Variants in BEND3 observed in about 807,000 individuals in gnomAD.
BEND3 encodes BEN domain containing 3, also known as BEN domain-containing protein 3.
BEND3 carries 13 observed loss-of-function variants against 60.1 expected under a neutral mutation model. That is an observed-to-expected ratio of 0.22 (90% CI 0.14 to 0.34). The LOEUF (loss-of-function observed/expected upper bound fraction) is 0.34. BEND3 is among the 10% of genes least tolerant of loss of function. The pLI, the probability that BEND3 is intolerant of heterozygous loss-of-function variation, is 1.00. For synonymous variants in BEND3, 497 were observed against 491.5 expected (o/e 1.01, Z -0.15); for missense variants, 896 against 1,138.1 (o/e 0.79, Z 3.06).
chr6:107,085,855 C>T (rs1179013928), intron 3 of BEND3, among the ~76,000 whole-genome samples: 3 of 149,996 alleles, frequency 2.0e-5, no homozygotes, highest in Non-Finnish European at 4.4e-5. Flanking sequence ...GGCCCGATCT[C>T]GGCTCACCGC....
intron 1 of BEND3, among the ~76,000 whole-genome samples, chr6:107,108,576 G>A (rs782148785): frequency 2.0e-5 from 3 of 152,104 alleles, no homozygotes; most frequent in Non-Finnish European, 4.4e-5. Flanking sequence ...GTTCGGGGCA[G>A]TTGGGTGTAT....
chr6:107,098,452 T>C, intron 3 of BEND3, 99 bp downstream of exon 3: 1 of 1,264,672 alleles, frequency 7.9e-7, no homozygotes, highest in Non-Finnish European at 1.1e-6. Flanking sequence ...TGCCCAAGGG[T>C]TCAGCAGTTG....
At chr6:107,095,994 T>C (rs545368971) in intron 3 of BEND3, among the ~76,000 whole-genome samples, 1 of 152,324 alleles carries the variant, frequency 6.6e-6, no homozygotes, top group East Asian at 1.9e-4. Context: ...CCACAGACTA[T>C]ACAATAGCAA....
At chr6:107,083,722 G>A (rs13215617) in intron 3 of BEND3, among the ~76,000 whole-genome samples, 6,127 of 151,906 alleles carry the variant, frequency 0.04, 190 homozygotes, top group South Asian at 0.13. Flanking sequence ...ATAATGTCTC[G>A]TTCAAGTATG....
At chr6:107,088,098 A>G (rs782744366) in intron 3 of BEND3, among the ~76,000 whole-genome samples, 2 of 151,314 alleles carry the variant, frequency 1.3e-5, no homozygotes, top group Non-Finnish European at 2.9e-5. Context: ...GCAGCCTCAA[A>G]CTACTGGCCT....
Position 107,069,471 on chromosome 6 carries a change from C to A in BEND3, c.1720G>T (p.Ala574Ser), listed in dbSNP as rs782053443. ...YESSLSIGNF[A>S]SRLLVHLFPE... ...AACAGGTGCACCAGCAGGCGCGAGG[C>A]GAAGTTGCCGATGGACAGGCTGCTC... The change falls in exon 4 of 4, where the codon GCC (alanine) becomes TCC (serine). Residue 574 changes from alanine to serine, a missense_variant. Transcript: ENST00000369042. 1.4e-5 allele frequency: 23 copies of A among 1,612,642 alleles called. No individual in the cohort carries two copies. The highest frequency in any genetic ancestry group is 1.9e-5 in the Non-Finnish European group (23 of 1,180,030).
At chr6:107,099,756 C>T (rs1554236540) in intron 1 of BEND3, among the ~76,000 whole-genome samples, 2 of 152,126 alleles carry the variant, frequency 1.3e-5, no homozygotes, top group Admixed American at 1.3e-4. Flanking sequence ...GGCTACTAGC[C>T]ACACCTGGCT....
intron 1 of BEND3, among the ~76,000 whole-genome samples, chr6:107,106,320 T>C (rs1554237470): frequency 1.3e-5 from 2 of 152,166 alleles, no homozygotes; most frequent in Admixed American, 1.3e-4. Flanking sequence ...GGGATGCAGC[T>C]GAGACCAGGG....
In BEND3 at chr6:107,070,990, G is replaced by T. The variant is rs782661833; in HGVS notation, c.241-40C>A. 1.3e-6 allele frequency: 2 copies of T among 1,551,718 alleles called. No homozygotes were observed. Among genetic ancestry groups the T allele is most frequent in the South Asian group, 1.2e-5 (1 of 81,566 alleles). ...TCATTTCCCAGAGTGTTAGGTGGGT[G>T]CTGTGGTTTATGACACTAAACAAGG... On this transcript the variant is annotated intron_variant, in intron 3 of 3. Coordinates refer to ENST00000369042, the MANE Select transcript of BEND3 (RefSeq NM_001367314.1). The surrounding 1 kb of genome is among the most constrained non-coding windows in gnomAD (Gnocchi z 6.9).
chr6:107,072,272 C>T (rs1346698384), intron 3 of BEND3, among the ~76,000 whole-genome samples: 1 of 152,162 alleles, frequency 6.6e-6, no homozygotes, highest in Non-Finnish European at 1.5e-5. Context: ...TGGCCTAGCC[C>T]AGCGCTTCTT....
At chr6:107,083,704 A>G (rs995728510) in intron 3 of BEND3, among the ~76,000 whole-genome samples, 3 of 152,172 alleles carry the variant, frequency 2.0e-5, no homozygotes, top group African/African-American at 7.2e-5. Flanking sequence ...GACATTACAG[A>G]TTTTTAAATA....
intron 1 of BEND3, among the ~76,000 whole-genome samples, chr6:107,105,867 C>T (rs1775803248): frequency 6.6e-6 from 1 of 152,178 alleles, no homozygotes; most frequent in South Asian, 2.1e-4. Flanking sequence ...AGAGCTGTTT[C>T]CAGATGCAAA....
At position 107,112,636 on chromosome 6, in the gene BEND3, C is replaced by G. The variant is rs1226988889; in HGVS notation, c.-12+2454G>C. On this transcript the variant is annotated intron_variant, in intron 1 of 3. Transcript: ENST00000369042. Reference sequence around the variant, plus strand: ...TGGGAGGCCGAAGCTGGCGAATGACCTGAGGTCGGGAGTTCGAGACCAGCC... The same window carrying G: ...TGGGAGGCCGAAGCTGGCGAATGACGTGAGGTCGGGAGTTCGAGACCAGCC... 2.0e-5 allele frequency among the ~76,000 whole-genome samples: 3 copies of G among 152,008 alleles called. No homozygotes were observed. In the East Asian group the frequency reaches 5.8e-4, roughly 29 times the overall value.
chr6:107,112,092 A>ACT (rs1770115297), intron 1 of BEND3, among the ~76,000 whole-genome samples: 1 of 151,972 alleles, frequency 6.6e-6, no homozygotes, highest in African/African-American at 2.4e-5. Flanking sequence ...CGACCTTCAT[A>ACT]CTCTATGCTT....
chr6:107,085,130 G>T (rs1164483769), intron 3 of BEND3, among the ~76,000 whole-genome samples: 1 of 152,178 alleles, frequency 6.6e-6, no homozygotes, highest in Non-Finnish European at 1.5e-5. Context: ...TTTAAGAGCT[G>T]TAACACTCAC....
chr6:107,113,231 C>A (rs1417202533), intron 1 of BEND3, among the ~76,000 whole-genome samples: 5 of 151,192 alleles, frequency 3.3e-5, no homozygotes, highest in East Asian at 2.0e-4. Flanking sequence ...CACCTGAGGT[C>A]CGGAAACCAG....
chr6:107,106,377 G>C (rs1554237481), intron 1 of BEND3, among the ~76,000 whole-genome samples: 5 of 152,158 alleles, frequency 3.3e-5, no homozygotes. Context: ...CTTCATTCCA[G>C]CCTTCCAAGG....
At chr6:107,101,792 T>A (rs1374240217) in intron 1 of BEND3, among the ~76,000 whole-genome samples, 3 of 152,148 alleles carry the variant, frequency 2.0e-5, no homozygotes, top group African/African-American at 7.2e-5. Context: ...CAAGACCGGA[T>A]TCCCAGCCTG....
intron 1 of BEND3, among the ~76,000 whole-genome samples, chr6:107,108,929 C>G (rs551172004): frequency 1.3e-5 from 2 of 152,100 alleles, no homozygotes; most frequent in Admixed American, 1.3e-4. Context: ...CTCAGCCTCC[C>G]GAGTAGCTGG....
Sources: allele counts gnomAD v4.1 joint callset (sites outside exome capture counted in the v4.1 genomes callset), GRCh38; gene constraint gnomAD v4.1.1; non-coding constraint Gnocchi (gnomAD v3.1); transcripts MANE v1.5; gene names NCBI Gene and HGNC (gene_info 2026-07-23, HGNC 2026-07-21).